Variants in USH2A observed in about 807,000 individuals in gnomAD.
USH2A encodes usherin, also known as Usher syndrome 2A (autosomal recessive, mild).
In USH2A, 443 loss-of-function variants were observed where a neutral mutation model predicts 538.9. That is an observed-to-expected ratio of 0.82 (90% confidence interval 0.76 to 0.89). The LOEUF is 0.89. Among genes scored for constraint, USH2A ranks in the 40% least tolerant of loss-of-function variants. The pLI, the probability that USH2A is intolerant of heterozygous loss-of-function variation, is 0.00. For missense variants in USH2A, 6,633 were observed against 6,324.8 expected (o/e 1.05, Z -1.65); for synonymous variants, 2,413 against 2,273.5 (o/e 1.06, Z -1.75).
chr1:215,696,612 G>A (rs183281077), intron 61 of USH2A, among the ~76,000 whole-genome samples: 4 of 152,342 alleles, frequency 2.6e-5, no homozygotes, highest in Admixed American at 2.6e-4. Context: ...GACAGGATCT[G>A]GTTGGTTGTT....
In USH2A at chr1:216,046,606, G is replaced by T; in HGVS notation, c.6164-14C>A. ...CCTCTTGTGGGGCTGTGGAAGAAAA[G>T]ATTTATAGAGTCTAATTTTAGTTTA... On this transcript the variant is annotated splice_polypyrimidine_tract_variant and intron_variant, in intron 31 of 71. Coordinates refer to ENST00000307340, the MANE Select transcript of USH2A (RefSeq NM_206933.4). 6.2e-7 allele frequency: 1 copy of T among 1,613,492 alleles called. No homozygotes were observed. Among genetic ancestry groups the T allele is most frequent in the Non-Finnish European group, 8.5e-7 (1 of 1,179,558 alleles).
chr1:216,003,648 C>G (rs966078519), intron 32 of USH2A, among the ~76,000 whole-genome samples: 1 of 151,974 alleles, frequency 6.6e-6, no homozygotes, highest in Non-Finnish European at 1.5e-5. Context: ...GTGGCTGGAG[C>G]AGAACAAATT....
intron 9 of USH2A, among the ~76,000 whole-genome samples, chr1:216,314,485 C>G (rs919917103): frequency 2.6e-5 from 4 of 151,670 alleles, no homozygotes; most frequent in Admixed American, 2.0e-4. Flanking sequence ...AATCTGCGAA[C>G]AAACAGAGAA....
intron 27 of USH2A, among the ~76,000 whole-genome samples, chr1:216,075,621 C>T (rs1345193939): frequency 6.6e-6 from 1 of 152,054 alleles, no homozygotes; most frequent in Non-Finnish European, 1.5e-5. Flanking sequence ...TGAGCCCCCA[C>T]TCTCTCCCTC....
At chr1:216,381,191 A>C (rs115958346) in intron 3 of USH2A, among the ~76,000 whole-genome samples, 5,660 of 152,204 alleles carry the variant, frequency 0.037, 143 homozygotes, top group South Asian at 0.083. Context: ...GAGAGGGAAA[A>C]GTGTACAAGC....
chr1:216,243,801 T>G (rs1240059209), intron 13 of USH2A, among the ~76,000 whole-genome samples: 1 of 152,140 alleles, frequency 6.6e-6, no homozygotes, highest in South Asian at 2.1e-4. Context: ...TTTCAGTAAA[T>G]AAAAATATTT....
At chr1:216,150,079 C>T (rs1013056313) in intron 21 of USH2A, among the ~76,000 whole-genome samples, 2 of 152,036 alleles carry the variant, frequency 1.3e-5, no homozygotes, top group Non-Finnish European at 2.9e-5. Flanking sequence ...CAGGGCTTTA[C>T]GAAGTCACCC....
At chr1:215,912,513 G>GTATA (rs1491347480) in intron 38 of USH2A, among the ~76,000 whole-genome samples, 4 of 16,972 alleles carry the variant, frequency 2.4e-4, no homozygotes, top group Admixed American at 6.4e-4. Flanking sequence ...ATATATATAC[G>GTATA]TGTATATATA....
chr1:216,047,107 G>T (rs2030552612), intron 31 of USH2A, among the ~76,000 whole-genome samples: 1 of 152,150 alleles, frequency 6.6e-6, no homozygotes. Flanking sequence ...AGTTGTCAAT[G>T]AATTGGGGGG....
intron 26 of USH2A, among the ~76,000 whole-genome samples, chr1:216,080,487 T>C (rs943743046): frequency 3.3e-5 from 5 of 151,950 alleles, no homozygotes; most frequent in Non-Finnish European, 7.4e-5. Flanking sequence ...AAAGGTGTGG[T>C]AGGGGCAGGA....
intron 60 of USH2A, among the ~76,000 whole-genome samples, chr1:215,731,947 C>T (rs945538687): frequency 2.0e-5 from 3 of 152,164 alleles, no homozygotes; most frequent in African/African-American, 7.2e-5. Context: ...TGTCTGTGTC[C>T]TCTAGTTTCT....
chr1:215,643,502 A>G (rs1486053114), intron 67 of USH2A, among the ~76,000 whole-genome samples: 3 of 150,774 alleles, frequency 2.0e-5, no homozygotes, highest in Non-Finnish European at 4.4e-5. Context: ...TCTCCAATAT[A>G]AAAAAACACA....
intron 51 of USH2A, among the ~76,000 whole-genome samples, chr1:215,787,629 A>C (rs6680432): frequency 0.35 from 53,432 of 151,912 alleles, 9,595 homozygotes; most frequent in African/African-American, 0.41. Context: ...TTTCCTTTAC[A>C]TAAGTAGCAT....
In USH2A at chr1:216,105,417, G is replaced by A. The variant is rs75714603; in HGVS notation, c.4628-8204C>T. 6.1e-3 allele frequency among the ~76,000 whole-genome samples: 931 copies of A among 151,684 alleles called. 11 individuals are homozygous for A. Among genetic ancestry groups the A allele is most frequent in the African/African-American group, 0.021 (888 of 41,438 alleles). On this transcript the variant is annotated intron_variant, in intron 21 of 71. Transcript: ENST00000307340. Reference sequence around the variant, plus strand: ...ACTATTTGTTGAAAAGATTGTACTCGCCCCATTGAACTGCCTTACCTCTAT... The same window carrying A: ...ACTATTTGTTGAAAAGATTGTACTCACCCCATTGAACTGCCTTACCTCTAT...
Position 215,639,155 on chromosome 1 carries a change from C to T in USH2A, c.15052G>A (p.Gly5018Ser). Residue 5018 changes from glycine (G) to serine (S), a missense_variant and splice_region_variant, in exon 69 of 72, where the codon GGC (glycine) becomes AGC (serine). Transcript: ENST00000307340. ...GCCAAGTATAATATGAGTTGTTTAC[C>T]AAGTCCAGTAGAGGTATCATATTGG... ...LIQYDTSTGL[G>S]LVLTTPGKKK... 1 of 1,613,846 alleles carries T rather than the reference C, an allele frequency of 6.2e-7. No homozygotes were observed. The highest frequency in any genetic ancestry group is 8.5e-7 in the Non-Finnish European group (1 of 1,179,908).
At chr1:216,254,793 C>A (rs1404036636) in intron 11 of USH2A, among the ~76,000 whole-genome samples, 2 of 152,216 alleles carry the variant, frequency 1.3e-5, no homozygotes, top group African/African-American at 4.8e-5. Context: ...TGAGAGAGCC[C>A]AGAAGAGGTT....
intron 9 of USH2A, among the ~76,000 whole-genome samples, chr1:216,299,594 T>C (rs889796886): frequency 6.6e-6 from 1 of 152,120 alleles, no homozygotes; most frequent in Non-Finnish European, 1.5e-5. Context: ...GTATTAAAAA[T>C]TGAGAGCAAA....
chr1:216,083,307 C>T, intron 26 of USH2A, 149 bp downstream of exon 26: 2 of 812,912 alleles, frequency 2.5e-6, no homozygotes, highest in Middle Eastern at 3.9e-4. Flanking sequence ...TTTCACAGGA[C>T]TTCAAAACTA....
rs1403832675 is a variant in USH2A at position 215,674,521 on chromosome 1, A to G, written c.13390T>C (p.Trp4464Arg). The G allele has an allele frequency of 3.7e-6, 6 of 1,614,108 alleles. No homozygotes were observed. The South Asian group carries it at 5.5e-5, about 15-fold the overall frequency. ...CCATTTGGGTTTCTTGGAGGTTTCC[A>G]GGTGATTTCTATTGATTCTGAGCCT... ...VTGSESIEIT[W>R]KPPRNPNGQI... Residue 4464 changes from tryptophan to arginine, a missense_variant, in exon 63 of 72, where the codon TGG becomes CGG. Trp to Arg is a moderately radical substitution (Grantham distance 101). Coordinates refer to ENST00000307340, the MANE Select transcript of USH2A (RefSeq NM_206933.4).
Sources: allele counts gnomAD v4.1 joint callset (sites outside exome capture counted in the v4.1 genomes callset), GRCh38; gene constraint gnomAD v4.1.1; transcripts MANE v1.5; gene names NCBI Gene and HGNC (gene_info 2026-07-23, HGNC 2026-07-21).